The following HIPK3 variants were observed in gnomAD, a reference collection of about 807,000 sequenced individuals.
HIPK3 encodes the protein homeodomain interacting protein kinase 3.
In HIPK3, 47 loss-of-function variants were observed where a neutral mutation model predicts 124.2. The ratio of observed to expected loss-of-function variants is 0.38; its 90% CI spans 0.30 to 0.48. The LOEUF is 0.48. HIPK3 is among the 20% of genes least tolerant of loss of function. HIPK3 has a pLI of 0.98. For missense variants in HIPK3, 1,286 were observed against 1,454.3 expected (o/e 0.88, Z 1.88); for synonymous variants, 482 against 515.2 (o/e 0.94, Z 0.87).
At chr11:33,298,031 C>T (rs1399247578) in intron 2 of HIPK3, among the ~76,000 whole-genome samples, 1 of 152,026 alleles carries the variant, frequency 6.6e-6, no homozygotes, top group Non-Finnish European at 1.5e-5. Context: ...TCAAGTGATC[C>T]TCCCTCCTTG....
At chr11:33,343,149 T>G (rs975800046) in intron 8 of HIPK3, among the ~76,000 whole-genome samples, 1 of 152,148 alleles carries the variant, frequency 6.6e-6, no homozygotes, top group Non-Finnish European at 1.5e-5. Flanking sequence ...CTAGCCTGTT[T>G]ACTTATTTCA....
intron 2 of HIPK3, among the ~76,000 whole-genome samples, chr11:33,317,635 C>T (rs1852545493): frequency 6.6e-6 from 1 of 152,104 alleles, no homozygotes; most frequent in Non-Finnish European, 1.5e-5. Context: ...TATAGCATTT[C>T]CTACTCCTTG....
At chr11:33,311,510 T>C (rs1852335159) in intron 2 of HIPK3, among the ~76,000 whole-genome samples, 1 of 152,142 alleles carries the variant, frequency 6.6e-6, no homozygotes, top group South Asian at 2.1e-4. Flanking sequence ...CAATAGACTA[T>C]TTTGTAGAGT....
chr11:33,258,678 C>A (rs1030470218), intron 1 of HIPK3: 30 of 985,238 alleles, frequency 3.0e-5, no homozygotes, highest in Non-Finnish European at 3.5e-5. Flanking sequence ...AGGGAGACGG[C>A]TGTTGTAAAA....
intron 2 of HIPK3, among the ~76,000 whole-genome samples, chr11:33,313,361 A>C (rs1197880051): frequency 6.6e-6 from 1 of 152,194 alleles, no homozygotes; most frequent in Admixed American, 6.6e-5. Flanking sequence ...ATTGAATTGT[A>C]ATATCATATT....
At chr11:33,274,612 C>T (rs532665379) in intron 1 of HIPK3, among the ~76,000 whole-genome samples, 1 of 152,062 alleles carries the variant, frequency 6.6e-6, no homozygotes, top group Non-Finnish European at 1.5e-5. Context: ...AACTTTTTGT[C>T]TTTAGTCAAC....
intron 1 of HIPK3, among the ~76,000 whole-genome samples, chr11:33,273,742 A>G (rs2133881019): frequency 6.6e-6 from 1 of 152,216 alleles, no homozygotes; most frequent in Middle Eastern, 3.4e-3. Flanking sequence ...TTTTCTATTC[A>G]ACTTATTTTT....
At chr11:33,348,474 T>A (rs1466567621) in intron 12 of HIPK3, 48 bp from the exon 13 acceptor site, 1 of 1,433,382 alleles carries the variant, frequency 7.0e-7, no homozygotes, top group Non-Finnish European at 9.5e-7. Context: ...GACAATTGAT[T>A]ATACATATTT....
intron 1 of HIPK3, among the ~76,000 whole-genome samples, chr11:33,275,244 T>C (rs538767210): frequency 8.5e-5 from 13 of 152,220 alleles, no homozygotes; most frequent in African/African-American, 3.1e-4. Context: ...TTCAACATAC[T>C]GGTCAGGTGG....
intron 8 of HIPK3, among the ~76,000 whole-genome samples, chr11:33,345,596 T>TCA (rs1795684874): frequency 7.5e-6 from 1 of 134,130 alleles, no homozygotes. Context: ...CTCTCTCTGT[T>TCA]CATCCTTGTC....
At chr11:33,352,658 A>G (rs969905506) in intron 16 of HIPK3, among the ~76,000 whole-genome samples, 1 of 151,410 alleles carries the variant, frequency 6.6e-6, no homozygotes. Context: ...GCCATGTACT[A>G]TATATATATA....
intron 3 of HIPK3, among the ~76,000 whole-genome samples, chr11:33,333,881 G>A (rs1485258391): frequency 6.6e-6 from 1 of 152,106 alleles, no homozygotes; most frequent in African/African-American, 2.4e-5. Context: ...CATGTCTTTA[G>A]CATCTAGCAA....
At position 33,348,465 on chromosome 11, in the gene HIPK3, A is replaced by G. The variant is rs965855908; in HGVS notation, c.2370-57A>G. ...TTTCTGGTTTAACAAGATACCTTAG[A>G]CAATTGATTATACATATTTTGATTA... On this transcript the variant is annotated intron_variant, in intron 12 of 16. Coordinates refer to ENST00000303296, the MANE Select transcript of HIPK3 (RefSeq NM_005734.5). 54 of 1,387,956 alleles carry G rather than the reference A, an allele frequency of 3.9e-5. No individual in the cohort carries two copies. The African/African-American group carries it at 7.2e-4, about 18-fold the overall frequency. 86.0% of individuals were successfully genotyped at this position (1,387,956 alleles called of 1,614,324 possible).
chr11:33,262,821 TA>T (rs1376276694), intron 1 of HIPK3, among the ~76,000 whole-genome samples: 8 of 152,158 alleles, frequency 5.3e-5, no homozygotes, highest in African/African-American at 1.9e-4. Context: ...TTTTTGTATT[TA>T]TTTTTTTCAT....
chr11:33,324,274 G>A (rs1852746304), intron 2 of HIPK3, among the ~76,000 whole-genome samples: 1 of 152,176 alleles, frequency 6.6e-6, no homozygotes, highest in African/African-American at 2.4e-5. Flanking sequence ...AAACTGGCTG[G>A]TAGAACTGTC....
At chr11:33,258,261 G>A in intron 1 of HIPK3, 1 of 974,068 alleles carries the variant, frequency 1.0e-6, no homozygotes, top group Non-Finnish European at 1.2e-6. Flanking sequence ...CCGAAGTTTT[G>A]TTTAGTCCCA....
intron 2 of HIPK3, among the ~76,000 whole-genome samples, chr11:33,311,939 C>CACT (rs1565079266): frequency 5.7e-5 from 6 of 105,290 alleles, no homozygotes; most frequent in Admixed American, 3.9e-4. Context: ...ACACACACTA[C>CACT]ACACACACAC....
At chr11:33,341,950 A>G (rs1387785763) in intron 8 of HIPK3, among the ~76,000 whole-genome samples, 2 of 151,934 alleles carry the variant, frequency 1.3e-5, no homozygotes, top group African/African-American at 4.8e-5. Context: ...AAATACAAAA[A>G]ATTAGCTGGG....
Position 33,328,603 on chromosome 11 carries a change from G to C in HIPK3, c.1191G>C (p.Pro397=), listed in dbSNP as rs370526633. 2.5e-6 allele frequency: 4 copies of C among 1,613,282 alleles called. No homozygotes were observed. In the South Asian group the frequency reaches 3.3e-5, roughly 13 times the overall value. Residue 397 remains proline, a synonymous_variant, in exon 3 of 17, where the codon CCG becomes CCC. Coordinates refer to ENST00000303296, the MANE Select transcript of HIPK3 (RefSeq NM_005734.5). ...TTGCAGAATTATTTCTTGGATGGCC[G>C]CTCTACCCAGGAGCCTTGGAGTATG... ...CVIAELFLGW[P]LYPGALEYDQ...
Sources: allele counts gnomAD v4.1 joint callset (sites outside exome capture counted in the v4.1 genomes callset), GRCh38; gene constraint gnomAD v4.1.1; transcripts MANE v1.5; gene names NCBI Gene and HGNC (gene_info 2026-07-23, HGNC 2026-07-21).